The following ASRGL1 variants were observed in gnomAD, a reference collection of about 807,000 sequenced individuals.
ASRGL1 encodes isoaspartyl peptidase/L-asparaginase.
In ASRGL1, 16 loss-of-function variants were observed where a neutral mutation model predicts 22.4. The ratio of observed to expected loss-of-function variants is 0.71; its 90% confidence interval spans 0.48 to 1.08. The LOEUF is 1.08. ASRGL1 is among the 50% of genes least tolerant of loss of function. The pLI is 0.00. For synonymous variants in ASRGL1, 165 were observed against 159.3 expected (o/e 1.04, Z -0.27); for missense variants, 412 against 410.1 (o/e 1.00, Z -0.04).
At chr11:62,345,480 A>C (rs1264471091) in intron 2 of ASRGL1, among the ~76,000 whole-genome samples, 1 of 151,968 alleles carries the variant, frequency 6.6e-6, no homozygotes, top group Non-Finnish European at 1.5e-5. Flanking sequence ...TGTTGGCCAG[A>C]CTGGCCTTGA....
intron 4 of ASRGL1, among the ~76,000 whole-genome samples, chr11:62,378,388 C>G (rs1470578444): frequency 6.6e-6 from 1 of 152,156 alleles, no homozygotes; most frequent in Non-Finnish European, 1.5e-5. Flanking sequence ...AAACTTGTCT[C>G]TAACTGGTTG....
At position 62,362,639 on chromosome 11, in the gene ASRGL1, AATATATAAT is replaced by A. The variant is rs1272724981; in HGVS notation, c.491+5502_491+5510del. Among the ~76,000 whole-genome samples, 2 of 21,162 alleles carry A rather than the reference AATATATAAT, an allele frequency of 9.5e-5. 1 individual carries two copies. Among genetic ancestry groups the A allele is most frequent in the South Asian group, 1.7e-3 (2 of 1,186 alleles). 13.9% of individuals were successfully genotyped at this position (21,162 alleles called of 152,430 possible). ...ATTATATATTATATAAAATATATAT[AATATATAAT>A]ATATATTATATAAAATATATAATAT... On this transcript the variant is annotated intron_variant, in intron 4 of 6. Transcript: ENST00000415229.
intron 4 of ASRGL1, among the ~76,000 whole-genome samples, chr11:62,368,847 G>C (rs989774829): frequency 6.6e-6 from 1 of 152,146 alleles, no homozygotes; most frequent in African/African-American, 2.4e-5. Flanking sequence ...GAGCAGTATT[G>C]CCACTAGCAC....
In ASRGL1 at chr11:62,362,643, T is replaced by C. The variant is rs1404653905; in HGVS notation, c.491+5499T>C. Among the ~76,000 whole-genome samples the C allele has an allele frequency of 2.7e-4, 14 of 51,588 alleles. 2 individuals carry two copies. The highest frequency in any genetic ancestry group is 1.2e-3 in the African/African-American group (14 of 11,668). 33.8% of individuals were successfully genotyped at this position (51,588 alleles called of 152,430 possible). Reference sequence around the variant, plus strand: ...TATATTATATAAAATATATATAATATATAATATATATTATATAAAATATAT... The same window carrying C: ...TATATTATATAAAATATATATAATACATAATATATATTATATAAAATATAT... On this transcript the variant is annotated intron_variant, in intron 4 of 6. Transcript: ENST00000415229.
chr11:62,399,689 C>T, the ASRGL1 span, among the ~76,000 whole-genome samples: 1 of 152,198 alleles, frequency 6.6e-6, no homozygotes, highest in Non-Finnish European at 1.5e-5. Flanking sequence ...CTCTAGGACC[C>T]AGCGGGCAGC....
intron 2 of ASRGL1, among the ~76,000 whole-genome samples, chr11:62,353,300 A>C (rs1053150427): frequency 7.8e-5 from 11 of 140,638 alleles, no homozygotes; most frequent in Non-Finnish European, 1.7e-4. Context: ...AAACTTTATA[A>C]TTTTTTTAGT....
the ASRGL1 span, among the ~76,000 whole-genome samples, chr11:62,400,348 G>A: frequency 1.3e-5 from 2 of 152,150 alleles, no homozygotes; most frequent in Non-Finnish European, 2.9e-5. Context: ...ATAAGCCGTC[G>A]GTAAATGTTA....
chr11:62,369,580 T>C (rs1440005656), intron 4 of ASRGL1, among the ~76,000 whole-genome samples: 5 of 152,120 alleles, frequency 3.3e-5, no homozygotes, highest in Admixed American at 3.3e-4. Context: ...AGGATTAATA[T>C]GAAATTTACA....
At position 62,371,192 on chromosome 11, in the gene ASRGL1, C is replaced by T. The variant is rs1480107924; in HGVS notation, c.491+14048C>T. On this transcript the variant is annotated intron_variant, in intron 4 of 6. Transcript: ENST00000415229. ...GAGGAGCTGAGCTCGGGCAACGGCA[C>T]TGCCCACGCCAGGGCCCAGGAAACG... 6.4e-6 allele frequency: 8 copies of T among 1,245,928 alleles called. No individual in the cohort carries two copies. The African/African-American group carries it at 1.1e-4, about 17-fold the overall frequency. 77.2% of individuals were successfully genotyped at this position (1,245,928 alleles called of 1,614,324 possible).
the ASRGL1 span, among the ~76,000 whole-genome samples, chr11:62,399,362 G>A: frequency 8.5e-5 from 13 of 152,206 alleles, no homozygotes; most frequent in African/African-American, 2.9e-4. Context: ...TTGGACTCGT[G>A]TAGAGAACAG....
rs192731980 is a variant in ASRGL1, at chr11:62,341,539, C to T, written c.190+3372C>T. On this transcript the variant is annotated intron_variant, in intron 2 of 6. Coordinates refer to ENST00000415229, the MANE Select transcript of ASRGL1 (RefSeq NM_001083926.2). ...TTCATTTATCCAGTCTCTTTCTGGA[C>T]TTACAATGTAGAATCAATAAGGTAA... 6.6e-5 allele frequency among the ~76,000 whole-genome samples: 10 copies of T among 152,170 alleles called. No homozygotes were observed. In the East Asian group the frequency reaches 9.6e-4, roughly 15 times the overall value.
At chr11:62,340,991 G>A (rs1025033158) in intron 2 of ASRGL1, among the ~76,000 whole-genome samples, 36 of 152,108 alleles carry the variant, frequency 2.4e-4, no homozygotes, top group African/African-American at 8.7e-4. Flanking sequence ...ATGTCAAATT[G>A]AAAAGTGGTT....
chr11:62,393,834 G>A (rs1278264576), downstream of ASRGL1, among the ~76,000 whole-genome samples: 3 of 151,728 alleles, frequency 2.0e-5, no homozygotes, highest in Admixed American at 2.0e-4. Context: ...CCAAGATCAA[G>A]GTGTCGGCCA....
intron 4 of ASRGL1, among the ~76,000 whole-genome samples, chr11:62,381,375 ACT>A (rs760459663): frequency 6.6e-5 from 10 of 152,084 alleles, no homozygotes; most frequent in Non-Finnish European, 1.0e-4. Context: ...GCCATTACAG[ACT>A]CTGCTACATA....
downstream of ASRGL1, among the ~76,000 whole-genome samples, chr11:62,394,635 G>A (rs3018620): frequency 0.71 from 107,909 of 152,032 alleles, 38,691 homozygotes; most frequent in Middle Eastern, 0.78. Flanking sequence ...AGGCCAGTTG[G>A]AAGATCTGGT....
In ASRGL1 at chr11:62,348,801, G is replaced by C. The variant is rs111879456; in HGVS notation, c.191-7524G>C. Among the ~76,000 whole-genome samples, 777 of 152,234 alleles carry C rather than the reference G, an allele frequency of 5.1e-3. 2 individuals carry two copies. The highest frequency in any genetic ancestry group is 0.015 in the African/African-American group (616 of 41,550). On this transcript the variant is annotated intron_variant, in intron 2 of 6. Transcript: ENST00000415229. Reference sequence around the variant, plus strand: ...ACAGGGGAGATGGTTGGCAGGTCCAGGTGGAGCCATGCATGTCAGACATGG... The same window carrying C: ...ACAGGGGAGATGGTTGGCAGGTCCACGTGGAGCCATGCATGTCAGACATGG...
chr11:62,348,970 G>C (rs72923203), intron 2 of ASRGL1, among the ~76,000 whole-genome samples: 2 of 82,064 alleles, frequency 2.4e-5, no homozygotes, highest in Non-Finnish European at 5.4e-5. Context: ...GTTTTTTGTG[G>C]TTTTTTTTTG....
downstream of ASRGL1, among the ~76,000 whole-genome samples, chr11:62,395,678 C>T (rs931782723): frequency 1.3e-5 from 2 of 151,738 alleles, no homozygotes; most frequent in African/African-American, 4.8e-5. Context: ...CTTCCCGCCC[C>T]CCACCTGCTC....
At chr11:62,361,318 A>G (rs987147562) in intron 4 of ASRGL1, among the ~76,000 whole-genome samples, 4 of 151,784 alleles carry the variant, frequency 2.6e-5, no homozygotes, top group Non-Finnish European at 4.4e-5. Context: ...CAGCCTCCCA[A>G]GTAGGTGGGA....
Sources: allele counts gnomAD v4.1 joint callset (sites outside exome capture counted in the v4.1 genomes callset), GRCh38; gene constraint gnomAD v4.1.1; transcripts MANE v1.5; gene names NCBI Gene and HGNC (gene_info 2026-07-23, HGNC 2026-07-21).